Variants in NKAIN2 observed in about 807,000 individuals in gnomAD.
NKAIN2 encodes the protein sodium/potassium transporting ATPase interacting 2.
A neutral mutation model predicts 32.6 loss-of-function variants in NKAIN2; 14 were observed. The ratio of observed to expected loss-of-function variants is 0.43; its 90% CI spans 0.28 to 0.67. The LOEUF is 0.67. NKAIN2 is among the 30% of genes least tolerant of loss of function. The pLI is 0.17. For synonymous variants in NKAIN2, 80 were observed against 87.2 expected (o/e 0.92, Z 0.46); for missense variants, 198 against 258.3 (o/e 0.77, Z 1.60).
chr6:124,370,118 T>G (rs1448045526), intron 3 of NKAIN2, among the ~76,000 whole-genome samples: 1 of 151,402 alleles, frequency 6.6e-6, no homozygotes, highest in African/African-American at 2.4e-5. Flanking sequence ...GAAAATGCAA[T>G]TGAACCTTTG....
chr6:123,911,812 TACAC>T (rs60501930), intron 1 of NKAIN2, among the ~76,000 whole-genome samples: 6,294 of 84,894 alleles, frequency 0.074, 580 homozygotes, highest in African/African-American at 0.16. Flanking sequence ...TATATATATA[TACAC>T]ACACACACAC....
At chr6:124,040,553 T>C (rs936642369) in intron 1 of NKAIN2, among the ~76,000 whole-genome samples, 3 of 152,034 alleles carry the variant, frequency 2.0e-5, no homozygotes, top group Non-Finnish European at 4.4e-5. Context: ...TTTTATTAGT[T>C]CCTGGTTTGT....
chr6:124,138,654 TTA>T (rs1191196812), intron 1 of NKAIN2, among the ~76,000 whole-genome samples: 2 of 81,692 alleles, frequency 2.4e-5, no homozygotes, highest in African/African-American at 5.7e-5. Flanking sequence ...TTATTAATAA[TTA>T]TGTTATATTA....
intron 4 of NKAIN2, among the ~76,000 whole-genome samples, chr6:124,732,217 G>T (rs981396999): frequency 6.6e-6 from 1 of 152,040 alleles, no homozygotes; most frequent in Non-Finnish European, 1.5e-5. Flanking sequence ...TTTTGAGTGG[G>T]AATAGCCTTC....
At chr6:124,676,083 G>T (rs979276807) in intron 4 of NKAIN2, among the ~76,000 whole-genome samples, 1 of 151,764 alleles carries the variant, frequency 6.6e-6, no homozygotes, top group Admixed American at 6.6e-5. Flanking sequence ...CCTTTGTCCC[G>T]TTGGTTGTTC....
chr6:124,460,754 T>G (rs769567164), intron 3 of NKAIN2, among the ~76,000 whole-genome samples: 4 of 151,758 alleles, frequency 2.6e-5, no homozygotes, highest in Non-Finnish European at 4.4e-5. Context: ...TGAAGACTTA[T>G]GTCTTTCTTC....
At chr6:124,195,172 GT>G (rs1322358676) in intron 1 of NKAIN2, among the ~76,000 whole-genome samples, 1 of 151,664 alleles carries the variant, frequency 6.6e-6, no homozygotes, top group African/African-American at 2.4e-5. Flanking sequence ...TGTCAAGGAA[GT>G]TTTTTAAGAT....
chr6:124,566,928 T>C (rs1780937198), intron 3 of NKAIN2, among the ~76,000 whole-genome samples: 1 of 152,142 alleles, frequency 6.6e-6, no homozygotes, highest in Non-Finnish European at 1.5e-5. Flanking sequence ...CATAATTAAG[T>C]TTGTAAAACA....
At chr6:124,034,470 G>T (rs1329685851) in intron 1 of NKAIN2, among the ~76,000 whole-genome samples, 1 of 152,046 alleles carries the variant, frequency 6.6e-6, no homozygotes, top group African/African-American at 2.4e-5. Context: ...TTATGGCTTT[G>T]TAATATTCTA....
chr6:124,537,357 CAA>C lies in NKAIN2; in HGVS notation c.274-120827_274-120826del, dbSNP rs575382444. 2.2e-3 allele frequency among the ~76,000 whole-genome samples: 336 copies of C among 152,314 alleles called. 2 individuals carry two copies. Among genetic ancestry groups the C allele is most frequent in the African/African-American group, 7.4e-3 (306 of 41,578 alleles). On this transcript the variant is annotated intron_variant, in intron 3 of 6. Coordinates refer to ENST00000368417, the MANE Select transcript of NKAIN2 (RefSeq NM_001040214.3). Reference sequence around the variant, plus strand: ...ATTGATTTTAAGTAATAAACTTCCACAAAGTCATTATTGTCCTCTCCTTGGTG... The same window carrying C: ...ATTGATTTTAAGTAATAAACTTCCACAGTCATTATTGTCCTCTCCTTGGTG...
At chr6:124,203,437 T>G (rs1790688138) in intron 1 of NKAIN2, among the ~76,000 whole-genome samples, 1 of 151,940 alleles carries the variant, frequency 6.6e-6, no homozygotes, top group South Asian at 2.1e-4. Context: ...TGCTTAGTTG[T>G]GTTCTCTAGT....
chr6:123,828,138 C>G (rs966721423), intron 1 of NKAIN2, among the ~76,000 whole-genome samples: 1 of 152,206 alleles, frequency 6.6e-6, no homozygotes, highest in South Asian at 2.1e-4. Context: ...TTCCCTGAGG[C>G]CTCCATCCTT....
At chr6:124,518,816 A>T (rs1309449242) in intron 3 of NKAIN2, among the ~76,000 whole-genome samples, 15 of 152,216 alleles carry the variant, frequency 9.9e-5, no homozygotes, top group Admixed American at 9.8e-4. Context: ...TATTCACATG[A>T]GCAAGAGGAA....
At chr6:123,930,147 C>T (rs1451704828) in intron 1 of NKAIN2, among the ~76,000 whole-genome samples, 1 of 152,084 alleles carries the variant, frequency 6.6e-6, no homozygotes, top group Non-Finnish European at 1.5e-5. Context: ...ACAGTCAGCA[C>T]TTAAATCATT....
chr6:123,987,113 T>C (rs1423971433), intron 1 of NKAIN2, among the ~76,000 whole-genome samples: 1 of 152,190 alleles, frequency 6.6e-6, no homozygotes, highest in Middle Eastern at 3.2e-3. Flanking sequence ...ATAAGAAATG[T>C]GCACAGTATA....
In NKAIN2 at chr6:124,439,214, T is replaced by C. The variant is rs1350476748; in HGVS notation, c.273+83867T>C. 2.6e-5 allele frequency among the ~76,000 whole-genome samples: 4 copies of C among 152,272 alleles called. No homozygotes were observed. In the East Asian group the frequency reaches 7.7e-4, roughly 29 times the overall value. On this transcript the variant is annotated intron_variant, in intron 3 of 6. Coordinates refer to ENST00000368417, the MANE Select transcript of NKAIN2 (RefSeq NM_001040214.3). Reference sequence around the variant, plus strand: ...AGCTTGGTTTTCATTCTGTGTTTTCTAGCTCATGAATGATACCACCAATCA... The same window carrying C: ...AGCTTGGTTTTCATTCTGTGTTTTCCAGCTCATGAATGATACCACCAATCA...
chr6:123,916,732 A>ATGTG (rs537844977), intron 1 of NKAIN2, among the ~76,000 whole-genome samples: 190 of 150,570 alleles, frequency 1.3e-3, no homozygotes, highest in East Asian at 7.0e-3. Context: ...GTAGATATAT[A>ATGTG]TGTGTGTGTG....
chr6:123,911,320 T>C (rs1181012507), intron 1 of NKAIN2, among the ~76,000 whole-genome samples: 1 of 152,040 alleles, frequency 6.6e-6, no homozygotes, highest in Non-Finnish European at 1.5e-5. Context: ...CTACTTCTGG[T>C]GAGGGCCTCA....
chr6:123,949,116 C>G (rs115432949), intron 1 of NKAIN2, among the ~76,000 whole-genome samples: 189 of 152,020 alleles, frequency 1.2e-3, no homozygotes, highest in African/African-American at 4.4e-3. Context: ...TTCCATTGGT[C>G]TATATGCCTG....
Sources: allele counts gnomAD v4.1 joint callset (sites outside exome capture counted in the v4.1 genomes callset), GRCh38; gene constraint gnomAD v4.1.1; transcripts MANE v1.5; gene names NCBI Gene and HGNC (gene_info 2026-07-23, HGNC 2026-07-21).